Variants in FER1L6 observed in about 807,000 individuals in gnomAD.
FER1L6 encodes fer-1-like protein 6.
A neutral mutation model predicts 219.2 loss-of-function variants in FER1L6; 177 were observed. That is an observed-to-expected ratio of 0.81 (90% confidence interval 0.71 to 0.91). FER1L6 has a LOEUF of 0.91. Among genes scored for constraint, FER1L6 ranks in the 40% least tolerant of loss-of-function variants. The pLI is 0.00. For missense variants in FER1L6, 2,153 were observed against 2,259.9 expected, an observed-to-expected ratio of 0.95 and a Z score of 0.96; for synonymous variants, 768 against 824.3, an observed-to-expected ratio of 0.93 and a Z score of 1.17.
intron 35 of FER1L6, 37 bp downstream of exon 35, chr8:124,095,075 C>A: frequency 6.2e-7 from 1 of 1,612,696 alleles, no homozygotes; most frequent in South Asian, 1.1e-5. Context: ...AAAAGTTAAT[C>A]TTGTGTACTG....
chr8:124,109,944 G>A (rs560377834), intron 39 of FER1L6, among the ~76,000 whole-genome samples: 43 of 152,302 alleles, frequency 2.8e-4, no homozygotes, highest in African/African-American at 9.4e-4. Context: ...CAGACCACAC[G>A]TGACAATAAA....
At chr8:124,046,069 G>C in intron 21 of FER1L6, 168 bp downstream of exon 21, 1 of 621,116 alleles carries the variant, frequency 1.6e-6, no homozygotes, top group East Asian at 2.9e-5. Flanking sequence ...GAACCAAAAA[G>C]ATTGGTGATG....
Position 124,066,509 on chromosome 8 carries a change from T to C in FER1L6, c.3637T>C (p.Trp1213Arg). Residue 1213 changes from tryptophan to arginine, a missense_variant, in exon 27 of 41, where the codon TGG becomes CGG. Physicochemically the swap from Trp to Arg is moderately radical, Grantham distance 101. Coordinates refer to ENST00000522917, the MANE Select transcript of FER1L6 (RefSeq NM_001039112.2). ...TGAATCTGCTGAAAACGTGATTGACTGGTGGTCTAAGTATTATGCCTCCCT... is the reference window on the plus strand; with the variant it reads ...TGAATCTGCTGAAAACGTGATTGACCGGTGGTCTAAGTATTATGCCTCCCT... Reference protein sequence around the residue: ...ADESAENVIDWWSKYYASLKK... With the variant: ...ADESAENVIDRWSKYYASLKK... The C allele has an allele frequency of 6.2e-7, 1 of 1,614,124 alleles. No homozygotes were observed. The highest frequency in any genetic ancestry group is 1.7e-4 in the Middle Eastern group (1 of 6,060).
intron 6 of FER1L6, 77 bp downstream of exon 6, chr8:123,970,174 C>A: frequency 7.8e-7 from 1 of 1,283,816 alleles, no homozygotes; most frequent in Non-Finnish European, 1.1e-6. Context: ...TGGGACAACT[C>A]AGCATACTTA....
chr8:123,976,329 T>C (rs1393377434), intron 9 of FER1L6, among the ~76,000 whole-genome samples: 1 of 152,000 alleles, frequency 6.6e-6, no homozygotes, highest in Non-Finnish European at 1.5e-5. Context: ...GGCAAAACCC[T>C]GTCTCAACTA....
chr8:123,874,375 C>T (rs1473532619), intron 1 of FER1L6, among the ~76,000 whole-genome samples: 1 of 152,194 alleles, frequency 6.6e-6, no homozygotes, highest in African/African-American at 2.4e-5. Context: ...CTCAGAATCA[C>T]CCTCTGTAAA....
At chr8:123,936,091 C>T (rs185702935) in intron 1 of FER1L6, among the ~76,000 whole-genome samples, 7 of 152,204 alleles carry the variant, frequency 4.6e-5, no homozygotes, top group Non-Finnish European at 8.8e-5. Flanking sequence ...AATAAGCCTG[C>T]GTATTAGGAT....
chr8:123,915,338 G>C (rs1813153302), intron 1 of FER1L6, among the ~76,000 whole-genome samples: 1 of 152,018 alleles, frequency 6.6e-6, no homozygotes, highest in Non-Finnish European at 1.5e-5. Context: ...TTCAGGGGTG[G>C]CCTTGGCTTT....
intron 1 of FER1L6, among the ~76,000 whole-genome samples, chr8:123,933,175 A>G (rs1416399904): frequency 6.6e-6 from 1 of 152,174 alleles, no homozygotes; most frequent in East Asian, 1.9e-4. Flanking sequence ...ACAGCTCTAA[A>G]GCTCATCACT....
At chr8:123,910,068 T>A (rs940249541) in intron 1 of FER1L6, among the ~76,000 whole-genome samples, 5 of 152,212 alleles carry the variant, frequency 3.3e-5, no homozygotes, top group Non-Finnish European at 7.3e-5. Context: ...CTGCTGTGGC[T>A]TACAGCCCTT....
At chr8:124,112,994 A>AT (rs1188489111) in intron 39 of FER1L6, among the ~76,000 whole-genome samples, 1 of 152,172 alleles carries the variant, frequency 6.6e-6, no homozygotes, top group African/African-American at 2.4e-5. Context: ...TATTCCTAAT[A>AT]TTTTCTCTAT....
intron 1 of FER1L6, among the ~76,000 whole-genome samples, chr8:123,879,459 T>C (rs2129654773): frequency 6.6e-6 from 1 of 152,228 alleles, no homozygotes; most frequent in African/African-American, 2.4e-5. Context: ...CCTGAGTAGC[T>C]GGGACTACAG....
At chr8:123,929,737 G>T (rs1813697850) in intron 1 of FER1L6, among the ~76,000 whole-genome samples, 1 of 152,186 alleles carries the variant, frequency 6.6e-6, no homozygotes, top group Admixed American at 6.5e-5. Context: ...GGCATGAGGG[G>T]TCAGTACTAC....
intron 5 of FER1L6, among the ~76,000 whole-genome samples, chr8:123,969,511 T>C (rs1013330541): frequency 6.6e-6 from 1 of 152,178 alleles, no homozygotes; most frequent in African/African-American, 2.4e-5. Context: ...AATATAAAAT[T>C]CCCATTTGGG....
chr8:123,874,509 C>T (rs1816971077), intron 1 of FER1L6, among the ~76,000 whole-genome samples: 1 of 152,202 alleles, frequency 6.6e-6, no homozygotes, highest in Non-Finnish European at 1.5e-5. Flanking sequence ...TCCTATTTTA[C>T]ATAGAAAATA....
At chr8:124,044,273 GT>G (rs1486678748) in intron 20 of FER1L6, among the ~76,000 whole-genome samples, 1 of 152,196 alleles carries the variant, frequency 6.6e-6, no homozygotes, top group East Asian at 1.9e-4. Flanking sequence ...TCTGTTATTA[GT>G]TGGTTGAAGT....
chr8:123,979,147 T>C (rs1427924298), intron 10 of FER1L6, among the ~76,000 whole-genome samples: 1 of 152,172 alleles, frequency 6.6e-6, no homozygotes, highest in East Asian at 1.9e-4. Flanking sequence ...ATAGTTTCCA[T>C]ACATGGAAAC....
intron 1 of FER1L6, among the ~76,000 whole-genome samples, chr8:123,860,138 T>A (rs1179562703): frequency 4.7e-5 from 3 of 64,442 alleles, no homozygotes; most frequent in African/African-American, 7.4e-5. Flanking sequence ...CCCTCCCCCC[T>A]CCCCACCACA....
chr8:124,007,420 A>C (rs2130536977), intron 13 of FER1L6, among the ~76,000 whole-genome samples: 1 of 152,136 alleles, frequency 6.6e-6, no homozygotes, highest in Middle Eastern at 3.4e-3. Context: ...AAAAAATTAC[A>C]TGGGGTTTGG....
Sources: gnomAD v4.1 joint callset for allele counts (sites outside exome capture counted in the v4.1 genomes callset) on GRCh38, gnomAD v4.1.1 for gene constraint, MANE v1.5 for transcripts, NCBI Gene and HGNC (gene_info 2026-07-23, HGNC 2026-07-21) for gene names.